SNX8: variants seen among roughly 807,000 people sequenced by gnomAD.
SNX8 encodes sorting nexin 8, also known as sorting nexin-8.
Under a neutral mutation model 51.6 loss-of-function variants are expected in SNX8, and 25 were observed. The observed-to-expected ratio is 0.48, with a 90% CI of 0.35 to 0.68. The LOEUF is 0.68. Ranked by LOEUF, SNX8 falls within the 30% of genes least tolerant of loss-of-function variation. The pLI, the probability that SNX8 is intolerant of heterozygous loss-of-function variation, is 0.00. For synonymous variants in SNX8, 324 were observed against 277.0 expected (o/e 1.17, Z -1.68); for missense variants, 695 against 624.0 (o/e 1.11, Z -1.21).
Position 2,282,472 on chromosome 7 carries a change from C to A in SNX8, c.95-4167G>T, listed in dbSNP as rs867515974. Among the ~76,000 whole-genome samples the A allele has an allele frequency of 1.9e-4, 29 of 152,338 alleles. 2 individuals are homozygous for A. In the Middle Eastern group the frequency reaches 0.01, roughly 54 times the overall value. ...GGGGAAACAACCCACAAGCAACATT[C>A]AAGATCCTTTCAGCCTCACAAGTCT... is the stretch of plus-strand genomic sequence containing the variant. On this transcript the variant is annotated intron_variant, in intron 1 of 10. Transcript: ENST00000222990.
intron 1 of SNX8, among the ~76,000 whole-genome samples, chr7:2,346,095 C>A (rs1313691823): frequency 6.6e-6 from 1 of 152,156 alleles, no homozygotes; most frequent in African/African-American, 2.4e-5. Flanking sequence ...GCGTGAGCCA[C>A]CACACCCAGC....
chr7:2,322,019 G>A lies in SNX8; in HGVS notation c.-66+32203C>T, dbSNP rs766447472. Among the ~76,000 whole-genome samples, 115 of 152,246 alleles carry A rather than the reference G, an allele frequency of 7.6e-4. 1 individual carries two copies. The highest frequency in any genetic ancestry group is 2.2e-3 in the African/African-American group (90 of 41,550). On this transcript the variant is annotated intron_variant, in intron 1 of 5. Coordinates refer to the SNX8 transcript ENST00000435336. ...ATTATAGGCGTGAGCCACTGCGCCC[G>A]GCCTCGAATTTCTCAATTCTAAAAC...
intron 1 of SNX8, among the ~76,000 whole-genome samples, chr7:2,333,790 T>A (rs1324891413): frequency 6.6e-6 from 1 of 152,182 alleles, no homozygotes; most frequent in Non-Finnish European, 1.5e-5. Flanking sequence ...TGAACCTCAA[T>A]TCTTCCCGGA....
chr7:2,291,430 T>C (rs771669715), intron 1 of SNX8, among the ~76,000 whole-genome samples: 78 of 151,974 alleles, frequency 5.1e-4, no homozygotes, highest in Non-Finnish European at 8.8e-4. Context: ...AAACCCTGTC[T>C]CTACTAAAAA....
chr7:2,341,382 C>G (rs2115245556), intron 1 of SNX8, among the ~76,000 whole-genome samples: 1 of 151,232 alleles, frequency 6.6e-6, no homozygotes, highest in South Asian at 2.1e-4. Flanking sequence ...GCCTGTAATC[C>G]CAGCTACTCG....
chr7:2,280,918 G>C (rs1795892820), intron 1 of SNX8, among the ~76,000 whole-genome samples: 1 of 151,340 alleles, frequency 6.6e-6, no homozygotes, highest in Non-Finnish European at 1.5e-5. Flanking sequence ...TCAGCCTCCA[G>C]AGTAAGTGGG....
chr7:2,266,682 T>C (rs1795472433), intron 5 of SNX8, among the ~76,000 whole-genome samples: 3 of 151,954 alleles, frequency 2.0e-5, no homozygotes, highest in Admixed American at 2.0e-4. Context: ...TTTGTTTTCC[T>C]TTTTTGTTTT....
At position 2,257,001 on chromosome 7, in the gene SNX8, A is replaced by G. The variant is rs377232860; in HGVS notation, c.1157T>C (p.Met386Thr). 9.3e-6 allele frequency: 15 copies of G among 1,609,442 alleles called. No homozygotes were observed. The highest frequency in any genetic ancestry group is 5.0e-5 in the Admixed American group (3 of 59,556). Residue 386 changes from methionine to threonine, a missense_variant, in exon 10 of 11, where the codon ATG becomes ACG. Transcript: ENST00000222990. Reference protein sequence around the residue: ...IVEQENAIQTMELRNYFSLYC... With the variant: ...IVEQENAIQTTELRNYFSLYC... ...CAGGGAGAAGTAGTTCCGCAGCTCCATCGTCTGAATCGCGTTCTCCTGCTG... is the reference window on the plus strand; with the variant it reads ...CAGGGAGAAGTAGTTCCGCAGCTCCGTCGTCTGAATCGCGTTCTCCTGCTG...
Position 2,313,772 on chromosome 7 carries a change from G to C in SNX8, c.94+556C>G, listed in dbSNP as rs562910069. ...AGCACTTTGGGAGGCTAAGGCGGAG[G>C]ATCACTTGAAAGAGAGAGAAAAGCA... On this transcript the variant is annotated intron_variant, in intron 1 of 10. Transcript: ENST00000222990. 1.8e-4 allele frequency among the ~76,000 whole-genome samples: 28 copies of C among 152,312 alleles called. 1 individual carries two copies. In the South Asian group the frequency reaches 5.6e-3, roughly 30 times the overall value.
At chr7:2,282,060 C>A (rs1795918952) in intron 1 of SNX8, among the ~76,000 whole-genome samples, 2 of 152,184 alleles carry the variant, frequency 1.3e-5, no homozygotes, top group Admixed American at 6.6e-5. Flanking sequence ...GGGAAGCAGC[C>A]CCTCAGATCC....
At chr7:2,346,269 C>T (rs1255330405) in intron 1 of SNX8, among the ~76,000 whole-genome samples, 1 of 64,008 alleles carries the variant, frequency 1.6e-5, no homozygotes, top group Non-Finnish European at 3.2e-5. Flanking sequence ...TAGTGAGACC[C>T]TGGTCTCTAC....
intron 1 of SNX8, among the ~76,000 whole-genome samples, chr7:2,313,316 A>G (rs1796696327): frequency 6.6e-6 from 1 of 151,782 alleles, no homozygotes; most frequent in Non-Finnish European, 1.5e-5. Flanking sequence ...ACCTGAGGTC[A>G]GGAGTTCGAG....
chr7:2,298,422 T>C (rs1374452321), intron 1 of SNX8, among the ~76,000 whole-genome samples: 1 of 152,054 alleles, frequency 6.6e-6, no homozygotes, highest in African/African-American at 2.4e-5. Flanking sequence ...CAGGCTGGAG[T>C]GCAGTGGTGC....
intron 1 of SNX8, among the ~76,000 whole-genome samples, chr7:2,326,316 G>A (rs1026258442): frequency 1.3e-5 from 2 of 151,720 alleles, no homozygotes; most frequent in South Asian, 2.1e-4. Context: ...AGTGAGCTGT[G>A]ATCATGCCAC....
chr7:2,272,377 CTTT>C (rs796551153), intron 3 of SNX8, among the ~76,000 whole-genome samples: 6 of 143,952 alleles, frequency 4.2e-5, no homozygotes, highest in Admixed American at 7.0e-5. Context: ...GTCTTCTTTT[CTTT>C]TTTTTTTTTT....
intron 1 of SNX8, among the ~76,000 whole-genome samples, chr7:2,346,737 C>CAAAAAAAAAAAAAAA (rs143462126): frequency 6.6e-5 from 3 of 45,328 alleles, no homozygotes; most frequent in African/African-American, 1.7e-4. Flanking sequence ...GACTCCGTCT[C>CAAAAAAAAAAAAAAA]AAAAAAAAAA....
intron 1 of SNX8, among the ~76,000 whole-genome samples, chr7:2,346,563 C>T (rs1167820130): frequency 7.3e-5 from 11 of 151,308 alleles, no homozygotes; most frequent in East Asian, 3.9e-4. Flanking sequence ...CTGGCTAACA[C>T]AGTGAAACCC....
intron 5 of SNX8, among the ~76,000 whole-genome samples, chr7:2,267,002 A>AG (rs896283790): frequency 5.9e-5 from 9 of 152,238 alleles, no homozygotes. Flanking sequence ...AGAAAAGGGC[A>AG]GAGGGCACGA....
At position 2,257,027 on chromosome 7, in the gene SNX8, CG is replaced by C; in HGVS notation, c.1135-5del. ...TCGTCTGAATCGCGTTCTCCTGCTGCGGAGCAAACAGCCGCCTTTCGCACCC... is the reference window on the plus strand; with the variant it reads ...TCGTCTGAATCGCGTTCTCCTGCTGCGAGCAAACAGCCGCCTTTCGCACCC... On this transcript the variant is annotated splice_polypyrimidine_tract_variant and splice_region_variant and intron_variant, in intron 9 of 10. Transcript: ENST00000222990. 1 of 1,595,418 alleles carries C rather than the reference CG, an allele frequency of 6.3e-7. No homozygotes were observed.
Sources: allele counts gnomAD v4.1 joint callset (sites outside exome capture counted in the v4.1 genomes callset), GRCh38; gene constraint gnomAD v4.1.1; transcripts MANE v1.5; gene names NCBI Gene and HGNC (gene_info 2026-07-23, HGNC 2026-07-21).